The following CNTNAP2 variants were observed in gnomAD, a reference collection of about 807,000 sequenced individuals.
CNTNAP2 encodes the protein contactin associated protein 2, also known as contactin-associated protein-like 2.
CNTNAP2 carries 98 observed loss-of-function variants against 155.2 expected under a neutral mutation model. That is an observed-to-expected ratio of 0.63 (90% CI 0.54 to 0.75). CNTNAP2 has a LOEUF of 0.75. Among genes scored for constraint, CNTNAP2 ranks in the 30% least tolerant of loss-of-function variants. CNTNAP2 has a pLI of 0.00. For synonymous variants in CNTNAP2, 651 were observed against 631.2 expected (o/e 1.03, Z -0.47); for missense variants, 1,727 against 1,688.1 (o/e 1.02, Z -0.40).
intron 3 of CNTNAP2, among the ~76,000 whole-genome samples, chr7:147,007,637 T>G (rs1192151402): frequency 6.6e-6 from 1 of 151,954 alleles, no homozygotes; most frequent in Non-Finnish European, 1.5e-5. Context: ...AAGCCACCTT[T>G]TTTTCTGGGT....
intron 18 of CNTNAP2, among the ~76,000 whole-genome samples, chr7:148,215,175 T>TTATC (rs1332092730): frequency 6.6e-6 from 1 of 152,212 alleles, no homozygotes; most frequent in African/African-American, 2.4e-5. Context: ...TATAAGATAT[T>TTATC]TATCTGGAAA....
intron 3 of CNTNAP2, among the ~76,000 whole-genome samples, chr7:146,865,337 C>T (rs778829679): frequency 8.6e-5 from 13 of 151,662 alleles, no homozygotes; most frequent in African/African-American, 2.7e-4. Context: ...ACTTGTACTG[C>T]AAAAGGCCTA....
chr7:148,305,222 CAAAAAAAAAAAA>C (rs34005083), intron 21 of CNTNAP2, among the ~76,000 whole-genome samples: 19 of 51,942 alleles, frequency 3.7e-4, no homozygotes, highest in African/African-American at 5.6e-4. Context: ...GGCCCTGTCT[CAAAAAAAAAAAA>C]AAAAAAAAAA....
At chr7:147,538,535 A>G (rs1045171932) in intron 11 of CNTNAP2, among the ~76,000 whole-genome samples, 4 of 152,050 alleles carry the variant, frequency 2.6e-5, no homozygotes, top group Admixed American at 6.6e-5. Flanking sequence ...CTATAGTCCC[A>G]ACTACTCGGG....
At chr7:146,530,279 G>A (rs1797751006) in intron 1 of CNTNAP2, among the ~76,000 whole-genome samples, 1 of 152,000 alleles carries the variant, frequency 6.6e-6, no homozygotes, top group Non-Finnish European at 1.5e-5. Context: ...TAAAAGCCCT[G>A]GAAGATAACC....
intron 13 of CNTNAP2, among the ~76,000 whole-genome samples, chr7:147,897,524 T>C (rs1444970341): frequency 6.6e-6 from 1 of 152,184 alleles, no homozygotes; most frequent in East Asian, 1.9e-4. Context: ...GGTCAGCTTT[T>C]TGAATGCAAT....
At chr7:148,289,466 A>G (rs1010060182) in intron 21 of CNTNAP2, among the ~76,000 whole-genome samples, 1 of 152,192 alleles carries the variant, frequency 6.6e-6, no homozygotes, top group Non-Finnish European at 1.5e-5. Context: ...GATTTGAGGC[A>G]GCCCTCAACT....
intron 8 of CNTNAP2, among the ~76,000 whole-genome samples, chr7:147,187,550 G>T (rs1802591952): frequency 6.6e-6 from 1 of 152,066 alleles, no homozygotes; most frequent in African/African-American, 2.4e-5. Flanking sequence ...TTGTAAGTGG[G>T]AACTAAACAT....
intron 8 of CNTNAP2, among the ~76,000 whole-genome samples, chr7:147,289,499 G>C (rs1805255688): frequency 6.6e-6 from 1 of 152,080 alleles, no homozygotes; most frequent in Admixed American, 6.6e-5. Flanking sequence ...AGAAAGGAAA[G>C]AAGGAAGGAA....
At chr7:148,106,037 A>C (rs1804210207) in intron 15 of CNTNAP2, among the ~76,000 whole-genome samples, 1 of 152,202 alleles carries the variant, frequency 6.6e-6, no homozygotes, top group African/African-American at 2.4e-5. Flanking sequence ...AATGGAGAGG[A>C]GGAGACACAG....
chr7:147,635,350 G>A (rs1246119487), intron 12 of CNTNAP2, among the ~76,000 whole-genome samples: 1 of 151,252 alleles, frequency 6.6e-6, no homozygotes, highest in South Asian at 2.1e-4. Flanking sequence ...TCTTGAATTC[G>A]TGGGTTCAAG....
chr7:147,625,274 C>G (rs1234587448), intron 12 of CNTNAP2, among the ~76,000 whole-genome samples: 1 of 152,136 alleles, frequency 6.6e-6, no homozygotes, highest in Non-Finnish European at 1.5e-5. Flanking sequence ...GTTTGTAACA[C>G]AAAGCATAAA....
intron 9 of CNTNAP2, among the ~76,000 whole-genome samples, chr7:147,352,188 A>G (rs2692128): frequency 0.74 from 111,798 of 151,856 alleles, 41,306 homozygotes; most frequent in Admixed American, 0.78. Flanking sequence ...TATATAATTT[A>G]TAACATAATG....
intron 21 of CNTNAP2, among the ~76,000 whole-genome samples, chr7:148,345,634 C>T (rs1263930524): frequency 6.6e-6 from 1 of 152,142 alleles, no homozygotes; most frequent in African/African-American, 2.4e-5. Context: ...TCGCCCATCT[C>T]GGCCTCCCAA....
At chr7:147,290,483 C>A (rs541244592) in intron 8 of CNTNAP2, among the ~76,000 whole-genome samples, 5 of 152,058 alleles carry the variant, frequency 3.3e-5, no homozygotes, top group Non-Finnish European at 5.9e-5. Context: ...GAGTTCAAGA[C>A]CAGCCTGGGC....
At chr7:148,247,659 A>AT (rs1490738748) in intron 20 of CNTNAP2, among the ~76,000 whole-genome samples, 6 of 123,126 alleles carry the variant, frequency 4.9e-5, no homozygotes, top group African/African-American at 1.2e-4. Context: ...TTATTTATTT[A>AT]TTTATTTTTT....
chr7:146,856,889 G>T (rs1172741214), intron 3 of CNTNAP2, among the ~76,000 whole-genome samples: 4 of 152,104 alleles, frequency 2.6e-5, no homozygotes, highest in Admixed American at 1.3e-4. Context: ...AAAAGGCTAA[G>T]GAGTTATTCT....
intron 13 of CNTNAP2, among the ~76,000 whole-genome samples, chr7:147,893,107 T>C (rs1799719815): frequency 6.6e-6 from 1 of 152,206 alleles, no homozygotes; most frequent in Admixed American, 6.5e-5. Flanking sequence ...CATAGAACAA[T>C]GTAGAATTGG....
intron 3 of CNTNAP2, among the ~76,000 whole-genome samples, chr7:146,930,129 C>A (rs1323594497): frequency 1.3e-5 from 2 of 152,032 alleles, no homozygotes; most frequent in Non-Finnish European, 1.5e-5. Flanking sequence ...CTCCAAGACA[C>A]ATAATTGTCA....
Sources: gnomAD v4.1 joint callset for allele counts (sites outside exome capture counted in the v4.1 genomes callset) on GRCh38, gnomAD v4.1.1 for gene constraint, MANE v1.5 for transcripts, NCBI Gene and HGNC (gene_info 2026-07-23, HGNC 2026-07-21) for gene names.